Variants in NCAM1 observed in about 807,000 individuals in gnomAD.
NCAM1 encodes the protein neural cell adhesion molecule 1.
In NCAM1, 14 loss-of-function variants were observed where a neutral mutation model predicts 109.8. The ratio of observed to expected loss-of-function variants is 0.13; its 90% CI spans 0.08 to 0.20. The LOEUF is 0.20. NCAM1 is among the 10% of genes least tolerant of loss of function. The pLI is 1.00. For synonymous variants in NCAM1, 418 were observed against 442.9 expected (o/e 0.94, Z 0.70); for missense variants, 774 against 1,109.9 (o/e 0.70, Z 4.30).
intron 15 of NCAM1, among the ~76,000 whole-genome samples, chr11:113,251,843 T>A (rs1303984166): frequency 2.0e-5 from 3 of 152,230 alleles, no homozygotes; most frequent in Admixed American, 1.3e-4. Context: ...TTTCTTCTGC[T>A]AATGTGCTCG....
chr11:113,097,376 T>C (rs1271650998), intron 1 of NCAM1, among the ~76,000 whole-genome samples: 2 of 152,234 alleles, frequency 1.3e-5, no homozygotes, highest in African/African-American at 4.8e-5. Context: ...CTTATATTTT[T>C]CCAAGACTTA....
chr11:113,214,420 A>G lies in NCAM1; in HGVS notation c.968A>G (p.Glu323Gly). ...VENQTAMELE[E>G]QVTLTCEASG... The stretch of plus-strand genomic sequence containing the variant: ...AACCAGACTGCCATGGAATTAGAGG[A>G]GCAGGTCACTCTTACCTGTGAAGCC... The change falls in exon 8 of 20, where the codon GAG becomes GGG. Residue 323 changes from glutamate to glycine, a missense_variant. By Grantham distance (98) the Glu-to-Gly change is moderately conservative (BLOSUM62 -2). Coordinates refer to ENST00000316851, the MANE Select transcript of NCAM1 (RefSeq NM_181351.5). The G allele has an allele frequency of 6.2e-7, 1 of 1,613,890 alleles. No homozygotes were observed. The highest frequency in any genetic ancestry group is 8.5e-7 in the Non-Finnish European group (1 of 1,179,794).
chr11:113,207,304 C>T lies in NCAM1; in HGVS notation c.672C>T (p.Thr224=), dbSNP rs782323015. 10 of 1,613,900 alleles carry T rather than the reference C, an allele frequency of 6.2e-6. No individual in the cohort carries two copies. The highest frequency in any genetic ancestry group is 2.2e-5 in the South Asian group (2 of 91,084). Residue 224 remains threonine (T), a synonymous_variant, in exon 6 of 20, where the codon ACC becomes ACT. Transcript: ENST00000316851. ...IQARQNIVNA[T]ANLGQSVTLV... ...CCAGGCAGAATATTGTGAATGCCACCGCCAACCTCGGCCAGTCCGTCACCC... is the reference window on the plus strand; with the variant it reads ...CCAGGCAGAATATTGTGAATGCCACTGCCAACCTCGGCCAGTCCGTCACCC...
chr11:113,208,774 C>CT (rs1944313536), intron 7 of NCAM1, among the ~76,000 whole-genome samples: 1 of 152,186 alleles, frequency 6.6e-6, no homozygotes, highest in East Asian at 1.9e-4. Flanking sequence ...CCTACCTCTA[C>CT]TAGTGTGTAA....
At chr11:113,095,998 T>C (rs1413924436) in intron 1 of NCAM1, among the ~76,000 whole-genome samples, 3 of 152,194 alleles carry the variant, frequency 2.0e-5, no homozygotes, top group Non-Finnish European at 4.4e-5. Context: ...TTAGTGTTTT[T>C]ATTATAATTA....
intron 1 of NCAM1, among the ~76,000 whole-genome samples, chr11:113,083,600 T>C (rs1362573844): frequency 6.6e-6 from 1 of 152,188 alleles, no homozygotes; most frequent in East Asian, 1.9e-4. Flanking sequence ...GTTTTTGTCA[T>C]TGGAATTGCT....
chr11:113,263,838 G>A, intron 17 of NCAM1: 2 of 985,506 alleles, frequency 2.0e-6, no homozygotes, highest in Non-Finnish European at 2.4e-6. Flanking sequence ...TGTGTGCTCA[G>A]TAGAGAAGGA....
At chr11:113,167,827 C>A (rs1942855570) in intron 1 of NCAM1, among the ~76,000 whole-genome samples, 1 of 152,202 alleles carries the variant, frequency 6.6e-6, no homozygotes, top group African/African-American at 2.4e-5. Flanking sequence ...TCCAGTGTGA[C>A]CAGTTTGCTG....
chr11:113,015,323 G>A (rs1369042040), intron 1 of NCAM1, among the ~76,000 whole-genome samples: 4 of 152,248 alleles, frequency 2.6e-5, no homozygotes, highest in Admixed American at 1.3e-4. Context: ...GTCAGCCAAG[G>A]CAGCTTCCTT....
intron 14 of NCAM1, chr11:113,243,837 A>G (rs1352637515): frequency 4.6e-6 from 1 of 218,588 alleles, no homozygotes; most frequent in Non-Finnish European, 9.7e-6. Flanking sequence ...TTTCCAATAC[A>G]TAATTGAACA....
intron 1 of NCAM1, among the ~76,000 whole-genome samples, chr11:113,137,124 G>T (rs138495323): frequency 6.6e-6 from 1 of 152,350 alleles, no homozygotes; most frequent in East Asian, 1.9e-4. Flanking sequence ...AGCAGGTAGA[G>T]GTTGTAGAAG....
In NCAM1 at chr11:113,275,461, C is replaced by G; in HGVS notation, c.*74C>G. 6.5e-7 allele frequency: 1 copy of G among 1,534,570 alleles called. No homozygotes were observed. Among genetic ancestry groups the G allele is most frequent in the South Asian group, 1.2e-5 (1 of 83,728 alleles). ...CTTCACCAGAGCATTTCCAACACCA[C>G]AGACACACACACGCACGCACACACA... On this transcript the variant is annotated 3_prime_UTR_variant, in exon 20 of 20. Transcript: ENST00000316851.
At chr11:112,967,510 A>C (rs1231261847) in intron 1 of NCAM1, among the ~76,000 whole-genome samples, 1 of 152,206 alleles carries the variant, frequency 6.6e-6, no homozygotes, top group East Asian at 1.9e-4. Context: ...CAAATGATTT[A>C]ACTCCTTCAA....
intron 14 of NCAM1, chr11:113,236,205 C>A: frequency 1.5e-6 from 2 of 1,292,520 alleles, no homozygotes; most frequent in Non-Finnish European, 2.2e-6. Flanking sequence ...ATGTGCTCTG[C>A]GGATTCTATT....
At position 112,961,529 on chromosome 11, in the gene NCAM1, C is replaced by G. The variant is rs781847600; in HGVS notation, c.-84C>G. 1.1e-6 allele frequency: 1 copy of G among 909,644 alleles called. No homozygotes were observed. The highest frequency in any genetic ancestry group is 1.9e-6 in the Non-Finnish European group (1 of 537,104). The allele number at this position is 909,644 out of a possible 1,614,324, so 56.3% of individuals were successfully genotyped here. A position where few individuals can be genotyped will look rare whatever the true frequency, so the allele number is the denominator to read the frequency against. On this transcript the variant is annotated 5_prime_UTR_variant, in exon 1 of 20. Transcript: ENST00000316851. ...CAATTGTCTGCCCCTAGGTCTGTCG[C>G]TCAGCCGCCGTCCACACTCGCTGCA...
chr11:112,983,818 A>G (rs963071626), intron 1 of NCAM1, among the ~76,000 whole-genome samples: 31 of 152,030 alleles, frequency 2.0e-4, no homozygotes, highest in Admixed American at 2.0e-3. Flanking sequence ...TGTACATAAC[A>G]AAGTGATTAC....
Position 113,252,799 on chromosome 11 carries a change from C to CTTTTTTTTTTT in NCAM1, c.1829-3057_1829-3047dup, listed in dbSNP as rs33948720. 3.0e-4 allele frequency among the ~76,000 whole-genome samples: 12 copies of CTTTTTTTTTTT among 39,718 alleles called. 3 individuals carry two copies. Among genetic ancestry groups the CTTTTTTTTTTT allele is most frequent in the Non-Finnish European group, 3.9e-4 (9 of 23,110 alleles). 26.1% of individuals were successfully genotyped at this position (39,718 alleles called of 152,430 possible). On this transcript the variant is annotated intron_variant, in intron 15 of 19. Transcript: ENST00000316851. ...TACAGGCACATGCCACTATGCCCAG[C>CTTTTTTTTTTT]TTTTTTTTTTTTTTTTTTTTTTTTT...
intron 1 of NCAM1, among the ~76,000 whole-genome samples, chr11:113,112,322 T>C (rs560532239): frequency 1.3e-5 from 2 of 152,362 alleles, no homozygotes; most frequent in South Asian, 2.1e-4. Context: ...ATGAATGTTA[T>C]TTCCTTTAAA....
rs17597455 is a variant in NCAM1, at chr11:113,238,740, G to C, written c.1825+3576G>C. On this transcript the variant is annotated intron_variant, in intron 14 of 19. Coordinates refer to ENST00000316851, the MANE Select transcript of NCAM1 (RefSeq NM_181351.5). ...GCATTGGTTTCTGATGCCAGCTTAC[G>C]GCACCACTGACACTGCACCCCTGTC... Among the ~76,000 whole-genome samples, 7 of 152,268 alleles carry C rather than the reference G, an allele frequency of 4.6e-5. No homozygotes were observed. In the South Asian group the frequency reaches 1.5e-3, roughly 32 times the overall value.
Sources: gnomAD v4.1 joint callset for allele counts (sites outside exome capture counted in the v4.1 genomes callset) on GRCh38, gnomAD v4.1.1 for gene constraint, MANE v1.5 for transcripts, NCBI Gene and HGNC (gene_info 2026-07-23, HGNC 2026-07-21) for gene names.